The following SHB variants were observed in gnomAD, a reference collection of about 807,000 sequenced individuals.
SHB encodes the protein SH2 domain-containing adapter protein B.
Under a neutral mutation model 52.3 loss-of-function variants are expected in SHB, and 20 were observed. The ratio of observed to expected loss-of-function variants is 0.38; its 90% CI spans 0.27 to 0.56. SHB has a LOEUF of 0.56. SHB is among the 20% of genes least tolerant of loss of function. The pLI is 0.71. For synonymous variants in SHB, 397 were observed against 316.5 expected, an observed-to-expected ratio of 1.25 and a Z score of -2.70; for missense variants, 825 against 723.3, an observed-to-expected ratio of 1.14 and a Z score of -1.61.
chr9:37,939,596 C>A (rs72724189), intron 5 of SHB, among the ~76,000 whole-genome samples: 1,587 of 152,272 alleles, frequency 0.01, 12 homozygotes, highest in Non-Finnish European at 0.017. Flanking sequence ...ATGCTGGGCA[C>A]AGGGCTCATG....
intron 2 of SHB, among the ~76,000 whole-genome samples, chr9:38,000,132 C>T (rs1042638302): frequency 6.6e-6 from 1 of 152,228 alleles, no homozygotes; most frequent in Non-Finnish European, 1.5e-5. Flanking sequence ...ATGTCCATCC[C>T]TCCCACAGGC....
intron 1 of SHB, among the ~76,000 whole-genome samples, chr9:38,017,556 G>A (rs1821229320): frequency 1.3e-5 from 2 of 152,366 alleles, no homozygotes; most frequent in Middle Eastern, 6.8e-3. Flanking sequence ...GCAAGTGGCT[G>A]GAGGCCAACG....
At position 38,068,121 on chromosome 9, in the gene SHB, C is replaced by A; in HGVS notation, c.525G>T (p.Glu175Asp). The stretch of plus-strand genomic sequence containing the variant: ...GGTGCTTGGGGGAGATGTAGCGCAC[C>A]TCGGCCGGCGTGGCGGGCCGCCGCT... The part of the protein sequence containing the change: ...SSERRPATPA[E>D]VRYISPKHRL... The change falls in exon 1 of 6, where the codon GAG becomes GAT. Residue 175 changes from glutamate (E) to aspartate (D), a missense_variant. Glu to Asp is a conservative substitution (Grantham distance 45). Coordinates refer to ENST00000377707, the MANE Select transcript of SHB (RefSeq NM_003028.3). 7.5e-6 allele frequency: 11 copies of A among 1,462,030 alleles called. No homozygotes were observed. The highest frequency in any genetic ancestry group is 9.8e-6 in the Non-Finnish European group (11 of 1,119,512). 90.6% of individuals were successfully genotyped at this position (1,462,030 alleles called of 1,614,324 possible). A position where few individuals can be genotyped will look rare whatever the true frequency, so the allele number is the denominator to read the frequency against.
chr9:38,011,134 G>T (rs937758799), intron 2 of SHB, among the ~76,000 whole-genome samples: 4 of 152,196 alleles, frequency 2.6e-5, no homozygotes, highest in African/African-American at 9.7e-5. Context: ...GCATCAGCAG[G>T]ATTTCATGCA....
At chr9:37,933,287 C>G (rs1274932173) in intron 5 of SHB, among the ~76,000 whole-genome samples, 2 of 152,238 alleles carry the variant, frequency 1.3e-5, no homozygotes. Context: ...CCACTGAAAG[C>G]TAAGTAAAGA....
intron 1 of SHB, among the ~76,000 whole-genome samples, chr9:38,051,337 GGAGGCT>G (rs1821737001): frequency 6.6e-6 from 1 of 151,912 alleles, no homozygotes; most frequent in South Asian, 2.1e-4. Context: ...CAGCTACTCG[GGAGGCT>G]GAGGCAGGAG....
chr9:37,939,696 G>A (rs750500796), intron 5 of SHB, among the ~76,000 whole-genome samples: 1 of 152,182 alleles, frequency 6.6e-6, no homozygotes, highest in Admixed American at 6.5e-5. Context: ...GGAGGAATGG[G>A]GGTGTTTCTA....
intron 3 of SHB, among the ~76,000 whole-genome samples, chr9:37,972,502 G>T (rs926655052): frequency 6.6e-6 from 1 of 152,216 alleles, no homozygotes; most frequent in Non-Finnish European, 1.5e-5. Flanking sequence ...CAGCCTGGCA[G>T]GCAAGACCAA....
chr9:37,931,261 A>G (rs1013092782), intron 5 of SHB, among the ~76,000 whole-genome samples: 2 of 152,230 alleles, frequency 1.3e-5, no homozygotes, highest in African/African-American at 4.8e-5. Flanking sequence ...ACTACATCCA[A>G]GCTCCTGCAC....
intron 5 of SHB, among the ~76,000 whole-genome samples, chr9:37,943,972 GA>G (rs1832463415): frequency 6.6e-6 from 1 of 152,146 alleles, no homozygotes; most frequent in Admixed American, 6.5e-5. Flanking sequence ...CCAGAGACAG[GA>G]AACTGTGTTA....
intron 1 of SHB, among the ~76,000 whole-genome samples, chr9:38,033,669 A>G (rs1821446138): frequency 6.6e-6 from 1 of 152,208 alleles, no homozygotes; most frequent in African/African-American, 2.4e-5. Flanking sequence ...AACAGGATAA[A>G]ACAGGTGGTC....
intron 1 of SHB, among the ~76,000 whole-genome samples, chr9:38,048,142 G>A (rs1025765865): frequency 2.0e-5 from 3 of 152,140 alleles, no homozygotes; most frequent in Admixed American, 6.5e-5. Flanking sequence ...TGCTTGCAAT[G>A]TTACCACTTC....
intron 4 of SHB, among the ~76,000 whole-genome samples, chr9:37,954,852 AG>A (rs1832610088): frequency 6.6e-6 from 1 of 152,110 alleles, no homozygotes; most frequent in Non-Finnish European, 1.5e-5. Context: ...CCCTGCACCC[AG>A]GGATGATTTG....
chr9:38,013,378 T>C (rs979238514), intron 2 of SHB, among the ~76,000 whole-genome samples: 4 of 152,072 alleles, frequency 2.6e-5, no homozygotes, highest in Non-Finnish European at 5.9e-5. Context: ...TAGGAGGCCA[T>C]GGTGGGAGGA....
At chr9:37,924,022 G>A (rs1479738756) in intron 5 of SHB, among the ~76,000 whole-genome samples, 1 of 152,232 alleles carries the variant, frequency 6.6e-6, no homozygotes, top group African/African-American at 2.4e-5. Flanking sequence ...CCCCCGGGGA[G>A]CTTCAACAGG....
intron 2 of SHB, among the ~76,000 whole-genome samples, chr9:37,988,231 G>C (rs922444776): frequency 6.6e-6 from 1 of 152,122 alleles, no homozygotes; most frequent in Non-Finnish European, 1.5e-5. Flanking sequence ...TAACAATGAC[G>C]AGGCTGCCAG....
chr9:37,957,588 C>T (rs1241011330), intron 3 of SHB, among the ~76,000 whole-genome samples: 1 of 152,226 alleles, frequency 6.6e-6, no homozygotes, highest in East Asian at 1.9e-4. Flanking sequence ...GCCTGCTACC[C>T]AGCAGTGACA....
chr9:38,014,841 A>G (rs1821190639), intron 2 of SHB, among the ~76,000 whole-genome samples: 3 of 152,236 alleles, frequency 2.0e-5, no homozygotes, highest in Non-Finnish European at 4.4e-5. Flanking sequence ...ACGGCTACAC[A>G]GCCCTATAAG....
intron 2 of SHB, among the ~76,000 whole-genome samples, chr9:37,979,309 G>T (rs1401654363): frequency 6.6e-6 from 1 of 152,198 alleles, no homozygotes; most frequent in African/African-American, 2.4e-5. Context: ...GGAGCAGAAA[G>T]GTTTGTAAAC....
Sources: gnomAD v4.1 joint callset for allele counts (sites outside exome capture counted in the v4.1 genomes callset) on GRCh38, gnomAD v4.1.1 for gene constraint, MANE v1.5 for transcripts, NCBI Gene and HGNC (gene_info 2026-07-23, HGNC 2026-07-21) for gene names.